Variants in HS6ST3 observed in about 807,000 individuals in gnomAD.
HS6ST3 encodes heparan sulfate 6-O-sulfotransferase 3.
Under a neutral mutation model 36.7 loss-of-function variants are expected in HS6ST3, and 12 were observed. That is an observed-to-expected ratio of 0.33 (90% CI 0.21 to 0.53). The LOEUF is 0.53. Ranked by LOEUF, HS6ST3 falls within the 20% of genes least tolerant of loss-of-function variation. The pLI, the probability that HS6ST3 is intolerant of heterozygous loss-of-function variation, is 0.95. For missense variants in HS6ST3, 584 were observed against 640.9 expected, an observed-to-expected ratio of 0.91 and a Z score of 0.96; for synonymous variants, 240 against 257.5, an observed-to-expected ratio of 0.93 and a Z score of 0.65.
chr13:96,724,022 T>C (rs540737019), intron 1 of HS6ST3, among the ~76,000 whole-genome samples: 2 of 152,346 alleles, frequency 1.3e-5, no homozygotes, highest in African/African-American at 4.8e-5. Flanking sequence ...CAAAAAGTTT[T>C]CTCTTTATTG....
At chr13:96,700,753 T>C (rs1875264285) in intron 1 of HS6ST3, among the ~76,000 whole-genome samples, 1 of 152,162 alleles carries the variant, frequency 6.6e-6, no homozygotes, top group African/African-American at 2.4e-5. Context: ...TCCTTCTGGC[T>C]CCAAAGAGAC....
chr13:96,317,171 G>A (rs1026176759), intron 1 of HS6ST3, among the ~76,000 whole-genome samples: 1 of 151,240 alleles, frequency 6.6e-6, no homozygotes, highest in Non-Finnish European at 1.5e-5. Context: ...TTATGTCCAT[G>A]TGTATTCAAT....
intron 1 of HS6ST3, among the ~76,000 whole-genome samples, chr13:96,725,917 A>G (rs886160842): frequency 2.9e-4 from 44 of 152,044 alleles, no homozygotes; most frequent in Non-Finnish European, 5.9e-5. Context: ...GCTCACTGCA[A>G]CCTGCACCTC....
chr13:96,737,151 A>C (rs1297296479), intron 1 of HS6ST3, among the ~76,000 whole-genome samples: 1 of 151,938 alleles, frequency 6.6e-6, no homozygotes, highest in East Asian at 1.9e-4. Context: ...ACAGAGAAAG[A>C]GAGAAAGAAG....
In HS6ST3 at chr13:96,839,461, C is replaced by G. The variant is rs1879016511; in HGVS notation, c.*6263C>G. 1 of 152,142 alleles carries G rather than the reference C, an allele frequency of 6.6e-6. No individual in the cohort carries two copies. Among genetic ancestry groups the G allele is most frequent in the African/African-American group, 2.4e-5 (1 of 41,426 alleles). 9.4% of individuals were successfully genotyped at this position (152,142 alleles called of 1,614,324 possible). The stretch of plus-strand genomic sequence containing the variant: ...ATTGTGACATTATCAACCTTTATTG[C>G]TATTTAAAAATGATAGTTTGTAGAA... On this transcript the variant is annotated 3_prime_UTR_variant, in exon 2 of 2. Transcript: ENST00000376705.
intron 1 of HS6ST3, among the ~76,000 whole-genome samples, chr13:96,181,714 A>G (rs535321481): frequency 7.9e-5 from 12 of 152,314 alleles, no homozygotes; most frequent in African/African-American, 2.9e-4. Flanking sequence ...CTCCTAAAAC[A>G]GAATCCACCC....
At chr13:96,561,584 A>G (rs2056262321) in intron 1 of HS6ST3, among the ~76,000 whole-genome samples, 1 of 152,140 alleles carries the variant, frequency 6.6e-6, no homozygotes, top group Admixed American at 6.5e-5. Flanking sequence ...GAAATTATCA[A>G]CAGAGTAAAC....
intron 1 of HS6ST3, among the ~76,000 whole-genome samples, chr13:96,163,127 G>A (rs1351177131): frequency 1.3e-5 from 2 of 151,744 alleles, no homozygotes; most frequent in East Asian, 3.9e-4. Context: ...TTTTGTATGT[G>A]GAGTAACATG....
chr13:96,773,705 T>G (rs1283690677), intron 1 of HS6ST3, among the ~76,000 whole-genome samples: 1 of 152,024 alleles, frequency 6.6e-6, no homozygotes, highest in Non-Finnish European at 1.5e-5. Context: ...AACTCCCACC[T>G]CCCTGGGACA....
intron 1 of HS6ST3, among the ~76,000 whole-genome samples, chr13:96,523,058 T>G (rs2056099906): frequency 6.6e-6 from 1 of 152,202 alleles, no homozygotes; most frequent in African/African-American, 2.4e-5. Context: ...GCAGGCCTGG[T>G]GGTGACAAAA....
At chr13:96,723,597 G>A (rs1327466831) in intron 1 of HS6ST3, among the ~76,000 whole-genome samples, 1 of 152,158 alleles carries the variant, frequency 6.6e-6, no homozygotes, top group East Asian at 1.9e-4. Context: ...CTTTTCATTA[G>A]TACCTTTAAA....
At chr13:96,757,574 A>G (rs1206719455) in intron 1 of HS6ST3, among the ~76,000 whole-genome samples, 1 of 152,180 alleles carries the variant, frequency 6.6e-6, no homozygotes, top group Non-Finnish European at 1.5e-5. Flanking sequence ...AAAGATTTCA[A>G]TATTCTATCA....
intron 1 of HS6ST3, among the ~76,000 whole-genome samples, chr13:96,617,832 G>A (rs2056480063): frequency 6.6e-6 from 1 of 152,150 alleles, no homozygotes; most frequent in Admixed American, 6.5e-5. Flanking sequence ...AAGCCCTCCA[G>A]GTGATCCTAA....
At chr13:96,481,968 G>T (rs975325387) in intron 1 of HS6ST3, among the ~76,000 whole-genome samples, 1 of 151,494 alleles carries the variant, frequency 6.6e-6, no homozygotes, top group Non-Finnish European at 1.5e-5. Context: ...TCTTCGCAAC[G>T]TGCTCACTTC....
chr13:96,766,669 AT>A (rs1236632918), intron 1 of HS6ST3, among the ~76,000 whole-genome samples: 1 of 152,148 alleles, frequency 6.6e-6, no homozygotes, highest in Non-Finnish European at 1.5e-5. Flanking sequence ...ACAGAGAAAT[AT>A]TTCTGAGGCA....
chr13:96,283,931 A>C (rs1429783804), intron 1 of HS6ST3, among the ~76,000 whole-genome samples: 2 of 152,152 alleles, frequency 1.3e-5, no homozygotes, highest in African/African-American at 2.4e-5. Flanking sequence ...GAGGGTACAG[A>C]TGGTTCACAA....
chr13:96,694,539 C>G (rs1036896780), intron 1 of HS6ST3, among the ~76,000 whole-genome samples: 11 of 152,060 alleles, frequency 7.2e-5, no homozygotes, highest in Non-Finnish European at 1.3e-4. Context: ...GATTTCTATT[C>G]CTTTGGGTAT....
At chr13:96,501,688 A>G (rs1328566978) in intron 1 of HS6ST3, among the ~76,000 whole-genome samples, 1 of 152,196 alleles carries the variant, frequency 6.6e-6, no homozygotes, top group Non-Finnish European at 1.5e-5. Flanking sequence ...AAATGAGACC[A>G]ATATGTTGCA....
At chr13:96,236,564 C>T (rs1260655979) in intron 1 of HS6ST3, among the ~76,000 whole-genome samples, 1 of 152,126 alleles carries the variant, frequency 6.6e-6, no homozygotes, top group Non-Finnish European at 1.5e-5. Flanking sequence ...AACTTTTTTA[C>T]CTTTCTTCTT....
Sources: gnomAD v4.1 joint callset for allele counts (sites outside exome capture counted in the v4.1 genomes callset) on GRCh38, gnomAD v4.1.1 for gene constraint, MANE v1.5 for transcripts, NCBI Gene and HGNC (gene_info 2026-07-23, HGNC 2026-07-21) for gene names.